C2orf76: variants seen among roughly 807,000 people sequenced by gnomAD.
C2orf76 encodes the protein UPF0538 protein C2orf76.
C2orf76 carries 23 observed loss-of-function variants against 16.9 expected under a neutral mutation model. The observed-to-expected ratio is 1.36, with a 90% CI of 0.98 to 1.93. C2orf76 has a LOEUF of 1.93. C2orf76 is among the 30% of genes most tolerant of loss of function. The probability of loss-of-function intolerance (pLI) is 0.00; values close to 1 mark genes in which losing one functional copy is unlikely to be tolerated. For missense variants in C2orf76, 152 were observed against 152.6 expected, an observed-to-expected ratio of 1.00 and a Z score of 0.02; for synonymous variants, 48 against 52.3, an observed-to-expected ratio of 0.92 and a Z score of 0.35.
chr2:119,301,757 T>A (rs1056470845), downstream of C2orf76, among the ~76,000 whole-genome samples: 1 of 152,104 alleles, frequency 6.6e-6, no homozygotes, highest in African/African-American at 2.4e-5. Flanking sequence ...TTGTTCTCAA[T>A]GAACAATTTT....
At chr2:119,345,093 A>AGCTAGGATTAT (rs1680156220) in intron 1 of C2orf76, among the ~76,000 whole-genome samples, 1 of 152,196 alleles carries the variant, frequency 6.6e-6, no homozygotes, top group Non-Finnish European at 1.5e-5. Flanking sequence ...TTATAATCTT[A>AGCTAGGATTAT]AGATAGGAAA....
chr2:119,300,102 A>T (rs1678593963), downstream of C2orf76, among the ~76,000 whole-genome samples: 1 of 152,194 alleles, frequency 6.6e-6, no homozygotes, highest in Admixed American at 6.5e-5. Flanking sequence ...ATTGCACATG[A>T]CTGCATTCTC....
chr2:119,339,569 T>A (rs1377995347), intron 2 of C2orf76, among the ~76,000 whole-genome samples: 3 of 127,260 alleles, frequency 2.4e-5, no homozygotes, highest in African/African-American at 8.4e-5. Flanking sequence ...AGATATTACT[T>A]TTAATTAAAA....
chr2:119,312,172 C>A (rs770867467), intron 4 of C2orf76, among the ~76,000 whole-genome samples: 1 of 152,232 alleles, frequency 6.6e-6, no homozygotes, highest in Admixed American at 6.5e-5. Flanking sequence ...CTTCTGCCAT[C>A]CTCACCTGGT....
intron 1 of C2orf76, among the ~76,000 whole-genome samples, chr2:119,342,381 C>A (rs911056466): frequency 6.6e-6 from 1 of 151,974 alleles, no homozygotes; most frequent in African/African-American, 2.4e-5. Flanking sequence ...GAGGCCGAGG[C>A]GGAAGGATCA....
At chr2:119,303,988 A>G (rs943617846) in intron 5 of C2orf76, among the ~76,000 whole-genome samples, 1 of 152,216 alleles carries the variant, frequency 6.6e-6, no homozygotes, top group Non-Finnish European at 1.5e-5. Flanking sequence ...ATTTTACAAG[A>G]AAGTGGCATC....
intron 1 of C2orf76, among the ~76,000 whole-genome samples, chr2:119,348,882 G>C (rs191170377): frequency 6.6e-6 from 1 of 152,122 alleles, no homozygotes; most frequent in Non-Finnish European, 1.5e-5. Context: ...CTGTAGTTGC[G>C]GGGCTGAGGT....
intron 4 of C2orf76, among the ~76,000 whole-genome samples, 158 bp from the exon 5 acceptor site, chr2:119,311,861 G>C (rs1351812997): frequency 2.6e-5 from 4 of 152,150 alleles, no homozygotes; most frequent in African/African-American, 9.7e-5. Context: ...GAGGCACAGT[G>C]AGGTCCTGCC....
downstream of C2orf76, among the ~76,000 whole-genome samples, chr2:119,302,006 A>G (rs778768203): frequency 6.6e-6 from 1 of 152,094 alleles, no homozygotes; most frequent in African/African-American, 2.4e-5. Context: ...TATGTATCAC[A>G]CACCCTGAAC....
At chr2:119,323,161 C>T (rs1431024614) in intron 2 of C2orf76, among the ~76,000 whole-genome samples, 4 of 151,266 alleles carry the variant, frequency 2.6e-5, no homozygotes, top group Non-Finnish European at 5.9e-5. Flanking sequence ...GGACTACAGG[C>T]GCTCAGCACC....
At chr2:119,356,591 AC>A (rs749811335) in intron 1 of C2orf76, among the ~76,000 whole-genome samples, 2 of 151,874 alleles carry the variant, frequency 1.3e-5, no homozygotes, top group Non-Finnish European at 2.9e-5. Context: ...CACCTCAAGA[AC>A]CTAGAAAATC....
At chr2:119,329,976 C>G (rs1051000434) in intron 2 of C2orf76, among the ~76,000 whole-genome samples, 1 of 152,148 alleles carries the variant, frequency 6.6e-6, no homozygotes, top group Non-Finnish European at 1.5e-5. Context: ...TGAAGAAGGT[C>G]TTCCAACATT....
intron 1 of C2orf76, among the ~76,000 whole-genome samples, chr2:119,342,843 G>A (rs941055200): frequency 2.6e-5 from 4 of 151,818 alleles, no homozygotes; most frequent in Non-Finnish European, 4.4e-5. Context: ...TCACTGCAAC[G>A]TCCCTCTCCC....
At chr2:119,336,635 GA>G (rs1338682647) in intron 2 of C2orf76, among the ~76,000 whole-genome samples, 1 of 151,870 alleles carries the variant, frequency 6.6e-6, no homozygotes, top group African/African-American at 2.4e-5. Context: ...GACTACGAAA[GA>G]AAAGAACATT....
intron 2 of C2orf76, among the ~76,000 whole-genome samples, chr2:119,334,703 A>AAT (rs1553448070): frequency 0.012 from 1,764 of 146,130 alleles, 26 homozygotes; most frequent in African/African-American, 0.031. Flanking sequence ...AAAAAAACAA[A>AAT]ATATATATAT....
chr2:119,307,312 T>G (rs898894129), intron 5 of C2orf76, among the ~76,000 whole-genome samples: 3 of 151,934 alleles, frequency 2.0e-5, no homozygotes, highest in Non-Finnish European at 4.4e-5. Flanking sequence ...TGGTGGCACA[T>G]GCCTGTAATC....
downstream of C2orf76, among the ~76,000 whole-genome samples, chr2:119,297,509 T>G (rs1253263143): frequency 6.6e-6 from 1 of 152,178 alleles, no homozygotes; most frequent in Non-Finnish European, 1.5e-5. Context: ...CTTCAGAATT[T>G]TGTTGTTGTT....
the C2orf76 span, among the ~76,000 whole-genome samples, chr2:119,296,808 G>A: frequency 6.6e-6 from 1 of 152,242 alleles, no homozygotes; most frequent in East Asian, 1.9e-4. Flanking sequence ...CTTCAAAGGA[G>A]AATAGAAAAA....
Position 119,302,329 on chromosome 2 carries a change from G to C in C2orf76, c.*143C>G, listed in dbSNP as rs1678640990. 2.5e-6 allele frequency: 1 copy of C among 392,990 alleles called. No homozygotes were observed. Among genetic ancestry groups the C allele is most frequent in the South Asian group, 1.0e-4 (1 of 9,884 alleles). 24.3% of individuals were successfully genotyped at this position (392,990 alleles called of 1,614,324 possible). A position where few individuals can be genotyped will look rare whatever the true frequency, so the allele number is the denominator to read the frequency against. On this transcript the variant is annotated 3_prime_UTR_variant, in exon 6 of 6. Coordinates refer to ENST00000334816, the MANE Select transcript of C2orf76 (RefSeq NM_001322331.2). ...AAAAGAAAGAGAGAAGGAAAGACCT[G>C]AAGAGAAAGAAATAACCAGATTTTA...
Sources: allele counts gnomAD v4.1 joint callset (sites outside exome capture counted in the v4.1 genomes callset), GRCh38; gene constraint gnomAD v4.1.1; transcripts MANE v1.5; gene names NCBI Gene and HGNC (gene_info 2026-07-23, HGNC 2026-07-21).